The following ATF7IP variants were observed in gnomAD, a reference collection of about 807,000 sequenced individuals.
The protein encoded by ATF7IP is activating transcription factor 7-interacting protein 1.
Under a neutral mutation model 106.4 loss-of-function variants are expected in ATF7IP, and 23 were observed. The observed-to-expected ratio is 0.22, with a 90% CI of 0.16 to 0.31. The LOEUF (loss-of-function observed/expected upper bound fraction) is 0.31. Among genes scored for constraint, ATF7IP ranks in the 10% least tolerant of loss-of-function variants. ATF7IP has a pLI of 1.00. For synonymous variants in ATF7IP, 542 were observed against 539.0 expected (o/e 1.01, Z -0.08); for missense variants, 1,334 against 1,524.3 (o/e 0.88, Z 2.08).
intron 13 of ATF7IP, among the ~76,000 whole-genome samples, chr12:14,483,352 T>C (rs963688895): frequency 2.6e-5 from 4 of 152,220 alleles, no homozygotes; most frequent in Non-Finnish European, 5.9e-5. Flanking sequence ...ACCTCCGTTG[T>C]GGAGCAGTAG....
intron 13 of ATF7IP, among the ~76,000 whole-genome samples, chr12:14,495,672 G>A (rs1944990102): frequency 6.6e-6 from 1 of 152,164 alleles, no homozygotes; most frequent in Admixed American, 6.5e-5. Context: ...CCAAGGAGCT[G>A]GGCATGGAGA....
In ATF7IP at chr12:14,481,138, G is replaced by A; in HGVS notation, c.3233G>A (p.Gly1078Glu). The change falls in exon 13 of 15, where the codon GGA (glycine) becomes GAA (glutamate). Residue 1078 changes from glycine (G) to glutamate (E), a missense_variant. Physicochemically the swap from Gly to Glu is moderately conservative, Grantham distance 98. Transcript: ENST00000261168. ...PAPPAQAPLR[G>E]TVMQAPAVRQ... ...CCACCAGCTCAGGCTCCCTTGCGAG[G>A]AACTGTTATGCAGGCTCCTGCTGTT... 3.1e-6 allele frequency: 5 copies of A among 1,613,936 alleles called. No individual in the cohort carries two copies. Among genetic ancestry groups the A allele is most frequent in the Non-Finnish European group, 4.2e-6 (5 of 1,179,956 alleles).
intron 9 of ATF7IP, among the ~76,000 whole-genome samples, chr12:14,461,704 A>G (rs1591916066): frequency 1.3e-5 from 2 of 152,182 alleles, no homozygotes; most frequent in South Asian, 4.1e-4. Context: ...AAATATTGCA[A>G]AAAGGAGCAC....
chr12:14,426,782 C>T (rs1458463476), intron 2 of ATF7IP, among the ~76,000 whole-genome samples: 8 of 132,190 alleles, frequency 6.1e-5, no homozygotes, highest in African/African-American at 8.7e-5. Context: ...GCCGAGATCG[C>T]GCCACTACTC....
chr12:14,435,683 G>C (rs1289708326), intron 3 of ATF7IP, among the ~76,000 whole-genome samples: 2 of 152,090 alleles, frequency 1.3e-5, no homozygotes, highest in African/African-American at 4.8e-5. Flanking sequence ...ACTTACGGAG[G>C]AAAAAGAATA....
At chr12:14,446,871 CTATCT>C (rs1942985390) in intron 5 of ATF7IP, 112 bp from the exon 6 acceptor site, 1 of 638,862 alleles carries the variant, frequency 1.6e-6, no homozygotes, top group Non-Finnish European at 2.5e-6. Flanking sequence ...CTTTACTCAG[CTATCT>C]TCTGAGGATC....
At chr12:14,376,000 G>T (rs1327056582) in intron 1 of ATF7IP, among the ~76,000 whole-genome samples, 1 of 152,144 alleles carries the variant, frequency 6.6e-6, no homozygotes, top group Non-Finnish European at 1.5e-5. Flanking sequence ...TAGTTTACTT[G>T]TAAAGGTTTG....
intron 1 of ATF7IP, among the ~76,000 whole-genome samples, chr12:14,415,333 GT>G (rs1412684018): frequency 2.0e-5 from 3 of 152,194 alleles, no homozygotes; most frequent in Non-Finnish European, 4.4e-5. Flanking sequence ...GGTATCTTAT[GT>G]TTTTATCATG....
intron 13 of ATF7IP, among the ~76,000 whole-genome samples, chr12:14,491,926 C>T (rs1279038987): frequency 6.6e-6 from 1 of 152,236 alleles, no homozygotes; most frequent in African/African-American, 2.4e-5. Context: ...TGGTGGCAAG[C>T]ACCGCCCCTG....
chr12:14,493,681 A>C (rs987394558), intron 13 of ATF7IP, among the ~76,000 whole-genome samples: 1 of 152,114 alleles, frequency 6.6e-6, no homozygotes, highest in Admixed American at 6.6e-5. Flanking sequence ...TCAGGGTCCC[A>C]TTCTTTTCCA....
chr12:14,378,192 G>T (rs536543270), intron 1 of ATF7IP, among the ~76,000 whole-genome samples: 27 of 150,986 alleles, frequency 1.8e-4, no homozygotes, highest in Admixed American at 9.2e-4. Flanking sequence ...CTGCCTTCAG[G>T]GTTCAAGCGA....
intron 13 of ATF7IP, among the ~76,000 whole-genome samples, chr12:14,489,765 A>G (rs1289683373): frequency 2.0e-5 from 3 of 152,180 alleles, no homozygotes; most frequent in African/African-American, 7.2e-5. Context: ...TTCCATGAGC[A>G]TGAGCCCACT....
chr12:14,454,114 G>A (rs1057509072), intron 6 of ATF7IP, among the ~76,000 whole-genome samples: 10 of 152,118 alleles, frequency 6.6e-5, no homozygotes, highest in African/African-American at 2.4e-4. Flanking sequence ...GTGGACTCTT[G>A]TACACAGGAA....
At chr12:14,416,527 C>G (rs980369144) in intron 1 of ATF7IP, among the ~76,000 whole-genome samples, 1 of 152,116 alleles carries the variant, frequency 6.6e-6, no homozygotes, top group Non-Finnish European at 1.5e-5. Context: ...ATTAATACAG[C>G]ATTTGTTTTG....
chr12:14,377,760 C>A (rs193132713), intron 1 of ATF7IP, among the ~76,000 whole-genome samples: 80 of 151,624 alleles, frequency 5.3e-4, no homozygotes, highest in African/African-American at 1.7e-3. Context: ...ATTACAGGCA[C>A]CCACCACCAC....
rs761069882 is a variant in ATF7IP, at chr12:14,456,631, A to G, written c.2066A>G (p.Tyr689Cys). 1.9e-6 allele frequency: 3 copies of G among 1,601,638 alleles called. No homozygotes were observed. The highest frequency in any genetic ancestry group is 2.6e-6 in the Non-Finnish European group (3 of 1,169,998). ...GTCAACAGCAATAATAACATGTCTTACAGGTGAGAATTCATAGTCTGTCTA... is the reference window on the plus strand; with the variant it reads ...GTCAACAGCAATAATAACATGTCTTGCAGGTGAGAATTCATAGTCTGTCTA... Reference protein sequence around the residue: ...NDVNSNNNMSYRNAGTVRQML... With the variant: ...NDVNSNNNMSCRNAGTVRQML... Residue 689 changes from tyrosine (Y) to cysteine (C), a missense_variant, in exon 7 of 15, where the codon TAC becomes TGC. Physicochemically the swap from Tyr to Cys is radical, Grantham distance 194. This residue lies in a region of ATF7IP where 171 missense variants were observed against 172.6 expected (regional missense o/e 0.99). Transcript: ENST00000261168.
intron 1 of ATF7IP, among the ~76,000 whole-genome samples, chr12:14,406,465 G>C (rs1940586055): frequency 6.6e-6 from 1 of 151,878 alleles, no homozygotes; most frequent in Non-Finnish European, 1.5e-5. Flanking sequence ...GTGACTCATA[G>C]GTTTATTAAT....
Position 14,497,902 on chromosome 12 carries a change from A to G in ATF7IP, c.3642A>G (p.Lys1214=). The part of the protein sequence containing the change: ...EPSATVPSQW[K]KIGEVKALPL... The stretch of plus-strand genomic sequence containing the variant: ...GTGCCACTGTGCCCTCACAATGGAA[A>G]AAGATTGGGGAAGTCAAGGCACTTC... The change falls in exon 15 of 15, where the codon AAA becomes AAG. Residue 1214 remains lysine, a synonymous_variant. Coordinates refer to ENST00000261168, the MANE Select transcript of ATF7IP (RefSeq NM_018179.5). 2 of 1,614,174 alleles carry G rather than the reference A, an allele frequency of 1.2e-6. No individual in the cohort carries two copies. Among genetic ancestry groups the G allele is most frequent in the Non-Finnish European group, 8.5e-7 (1 of 1,180,032 alleles).
intron 3 of ATF7IP, 65 bp from the exon 4 acceptor site, chr12:14,436,041 G>A: frequency 6.7e-7 from 1 of 1,497,874 alleles, no homozygotes; most frequent in Admixed American, 2.0e-5. Context: ...GCTAAGGATG[G>A]ATAATATGCA....
Sources: gnomAD v4.1 joint callset for allele counts (sites outside exome capture counted in the v4.1 genomes callset) on GRCh38, gnomAD v4.1.1 for gene constraint, gnomAD v4.1.1 regional missense constraint, MANE v1.5 for transcripts, NCBI Gene and HGNC (gene_info 2026-07-23, HGNC 2026-07-21) for gene names.